MGAT3: variants seen among roughly 807,000 people sequenced by gnomAD.
MGAT3 encodes beta-1,4-mannosyl-glycoprotein 4-beta-N-acetylglucosaminyltransferase, also known as GlcNAc-T III.
Under a neutral mutation model 29.8 loss-of-function variants are expected in MGAT3, and 9 were observed. That is an observed-to-expected ratio of 0.30 (90% CI 0.18 to 0.53). The LOEUF (loss-of-function observed/expected upper bound fraction) is 0.53. MGAT3 is among the 20% of genes least tolerant of loss of function. MGAT3 has a pLI of 0.96. For synonymous variants in MGAT3, 397 were observed against 348.9 expected (o/e 1.14, Z -1.54); for missense variants, 557 against 769.5 (o/e 0.72, Z 3.27).
rs757790343 is a variant in MGAT3, at chr22:39,487,395, C to T, written c.48C>T (p.Gly16=). Residue 16 remains glycine (G), a synonymous_variant, in exon 2 of 2, where the codon GGC becomes GGT. Transcript: ENST00000341184. The surrounding 1 kb of genome is among the most constrained non-coding windows in gnomAD (Gnocchi z 5.7). ...TCTTTCTCATGTTCTGTATGGCCGGCCTGTGCCTCATCTCCTTCCTGCACT... is the reference window on the plus strand; with the variant it reads ...TCTTTCTCATGTTCTGTATGGCCGGTCTGTGCCTCATCTCCTTCCTGCACT... ...YKLFLMFCMA[G]LCLISFLHFF... The T allele has an allele frequency of 6.2e-7, 1 of 1,613,670 alleles. No homozygotes were observed. Among genetic ancestry groups the T allele is most frequent in the Non-Finnish European group, 8.5e-7 (1 of 1,179,982 alleles).
At chr22:39,472,318 C>T (rs554590802) in intron 1 of MGAT3, among the ~76,000 whole-genome samples, 4 of 152,242 alleles carry the variant, frequency 2.6e-5, no homozygotes, top group East Asian at 1.9e-4. Flanking sequence ...TGTCCCTGCC[C>T]GGTACTTTGT....
rs530965275 is a variant in MGAT3, at chr22:39,489,670, C to G, written c.*721C>G. On this transcript the variant is annotated 3_prime_UTR_variant, in exon 2 of 2. Coordinates refer to ENST00000341184, the MANE Select transcript of MGAT3 (RefSeq NM_002409.5). ...GCCTGGAGAACCCTGAGGAGCTTTC[C>G]TTTTGGTTCTAAACCCGGCGTTGAC... is the stretch of plus-strand genomic sequence containing the variant. The G allele has an allele frequency of 1.2e-5, 2 of 167,612 alleles. No homozygotes were observed. The highest frequency in any genetic ancestry group is 3.8e-4 in the East Asian group (2 of 5,292). 10.4% of individuals were successfully genotyped at this position (167,612 alleles called of 1,614,324 possible).
chr22:39,457,390 G>A lies in MGAT3; in HGVS notation c.-169G>A, dbSNP rs1391632019. On this transcript the variant is annotated 5_prime_UTR_variant, in exon 1 of 2. Coordinates refer to ENST00000341184, the MANE Select transcript of MGAT3 (RefSeq NM_002409.5). The surrounding 1 kb of genome is among the most constrained non-coding windows in gnomAD (Gnocchi z 6.8). Reference sequence around the variant, plus strand: ...GGGGAGGGGATCGGGGCCGGGCCGGGGCCGCGCTGCCTGCGATGCCGGGCG... The same window carrying A: ...GGGGAGGGGATCGGGGCCGGGCCGGAGCCGCGCTGCCTGCGATGCCGGGCG... The A allele has an allele frequency of 6.8e-5, 10 of 147,042 alleles. No individual in the cohort carries two copies. Among genetic ancestry groups the A allele is most frequent in the Non-Finnish European group, 1.4e-4 (9 of 65,732 alleles). The allele number at this position is 147,042 out of a possible 1,614,324, so 9.1% of individuals were successfully genotyped here.
chr22:39,460,519 G>A (rs1928468153), intron 1 of MGAT3, among the ~76,000 whole-genome samples: 1 of 152,086 alleles, frequency 6.6e-6, no homozygotes, highest in South Asian at 2.1e-4. Context: ...GCGCTGAGGC[G>A]AGGCGTGGTG....
intron 1 of MGAT3, among the ~76,000 whole-genome samples, chr22:39,467,595 C>T (rs1569000235): frequency 6.6e-6 from 1 of 152,144 alleles, no homozygotes; most frequent in African/African-American, 2.4e-5. Flanking sequence ...CACATGGACA[C>T]GACACGGGAC....
At chr22:39,468,868 C>G (rs1035109339) in intron 1 of MGAT3, among the ~76,000 whole-genome samples, 1 of 151,954 alleles carries the variant, frequency 6.6e-6, no homozygotes, top group Non-Finnish European at 1.5e-5. Flanking sequence ...CCGAATCCTC[C>G]AGGAACAGGC....
Position 39,487,731 on chromosome 22 carries a change from G to A in MGAT3, c.384G>A (p.Pro128=), listed in dbSNP as rs9623008. 4 of 1,552,016 alleles carry A rather than the reference G, an allele frequency of 2.6e-6. No homozygotes were observed. Among genetic ancestry groups the A allele is most frequent in the Admixed American group, 2.1e-5 (1 of 48,312 alleles). Residue 128 remains proline (P), a synonymous_variant, in exon 2 of 2, where the codon CCG becomes CCA. Transcript: ENST00000341184. This position sits in a 1 kb window ranked among gnomAD's most constrained non-coding sequence, Gnocchi z 5.7. The stretch of plus-strand genomic sequence containing the variant: ...CCGGCACCAAGATGCTGGAGAGGCC[G>A]CCCCCGGGACGGCCGGAGGAGAAGC... ...FKPGTKMLER[P]PPGRPEEKPE...
chr22:39,488,806 C>G lies in MGAT3; in HGVS notation c.1459C>G (p.Leu487Val). The change falls in exon 2 of 2, where the codon CTG becomes GTG. Residue 487 changes from leucine (L) to valine (V), a missense_variant. Transcript: ENST00000341184. Reference protein sequence around the residue: ...PSEHMYAPKYLLKNYDRFHYL... With the variant: ...PSEHMYAPKYVLKNYDRFHYL... ...CGAGCACATGTATGCGCCCAAGTAC[C>G]TGCTGAAGAACTACGACCGGTTCCA... 6.2e-7 allele frequency: 1 copy of G among 1,611,246 alleles called. No homozygotes were observed. The highest frequency in any genetic ancestry group is 8.5e-7 in the Non-Finnish European group (1 of 1,178,820).
intron 1 of MGAT3, among the ~76,000 whole-genome samples, chr22:39,477,027 G>A (rs1928985011): frequency 6.6e-6 from 1 of 152,140 alleles, no homozygotes; most frequent in Non-Finnish European, 1.5e-5. Context: ...GAAACCTCAA[G>A]CTGCATTTAG....
chr22:39,488,133 C>T lies in MGAT3; in HGVS notation c.786C>T (p.Phe262=), dbSNP rs1227184673. 6.2e-7 allele frequency: 1 copy of T among 1,613,102 alleles called. No homozygotes were observed. The highest frequency in any genetic ancestry group is 8.5e-7 in the Non-Finnish European group (1 of 1,179,944). The change falls in exon 2 of 2, where the codon TTC becomes TTT. Residue 262 remains phenylalanine (F), a synonymous_variant. Coordinates refer to ENST00000341184, the MANE Select transcript of MGAT3 (RefSeq NM_002409.5). The part of the protein sequence containing the change: ...KFREMLTNGT[F]EYIRHKVLYV... ...GGGAGATGCTGACCAATGGCACCTT[C>T]GAGTACATCCGCCACAAGGTGCTCT...
Position 39,489,204 on chromosome 22 carries a change from G to A in MGAT3, c.*255G>A, listed in dbSNP as rs769266734. 1.7e-6 allele frequency: 1 copy of A among 596,018 alleles called. No individual in the cohort carries two copies. The highest frequency in any genetic ancestry group is 3.0e-6 in the Non-Finnish European group (1 of 331,812). 36.9% of individuals were successfully genotyped at this position (596,018 alleles called of 1,614,324 possible). A position where few individuals can be genotyped will look rare whatever the true frequency, so the allele number is the denominator to read the frequency against. ...GGCCCTTATGACTGCCAAGACTGCT[G>A]TGGCCAGGAGGTGCCACTGGAGTGT... On this transcript the variant is annotated 3_prime_UTR_variant, in exon 2 of 2. Coordinates refer to ENST00000341184, the MANE Select transcript of MGAT3 (RefSeq NM_002409.5).
At position 39,488,049 on chromosome 22, in the gene MGAT3, C is replaced by G. The variant is rs1317829002; in HGVS notation, c.702C>G (p.Ala234=). 6.2e-7 allele frequency: 1 copy of G among 1,613,136 alleles called. No homozygotes were observed. Among genetic ancestry groups the G allele is most frequent in the African/African-American group, 1.3e-5 (1 of 75,046 alleles). Reference sequence around the variant, plus strand: ...ACGAGCTGGGCGACGTGGTGGACGCCTTTGTGGTGTGCGAGTCCAACTTCA... The same window carrying G: ...ACGAGCTGGGCGACGTGGTGGACGCGTTTGTGGTGTGCGAGTCCAACTTCA... ...RFHELGDVVD[A]FVVCESNFTA... is the part of the protein sequence containing the mutation. The change falls in exon 2 of 2, where the codon GCC becomes GCG. Residue 234 remains alanine, a synonymous_variant. Coordinates refer to ENST00000341184, the MANE Select transcript of MGAT3 (RefSeq NM_002409.5).
chr22:39,474,365 G>A (rs1237762295), intron 1 of MGAT3, among the ~76,000 whole-genome samples: 1 of 152,214 alleles, frequency 6.6e-6, no homozygotes, highest in East Asian at 1.9e-4. Flanking sequence ...CCTTGGGCAA[G>A]GCTGAAGGCA....
intron 1 of MGAT3, among the ~76,000 whole-genome samples, chr22:39,460,829 T>C (rs966519466): frequency 5.3e-5 from 8 of 151,664 alleles, no homozygotes; most frequent in African/African-American, 1.9e-4. Context: ...AAAATGGGGG[T>C]GGGGTGCACT....
At position 39,457,895 on chromosome 22, in the gene MGAT3, G is replaced by A. The variant is rs928345136; in HGVS notation, c.-2+338G>A. 1.3e-5 allele frequency among the ~76,000 whole-genome samples: 2 copies of A among 151,540 alleles called. No homozygotes were observed. Among genetic ancestry groups the A allele is most frequent in the African/African-American group, 4.8e-5 (2 of 41,342 alleles). On this transcript the variant is annotated intron_variant, in intron 1 of 1. Coordinates refer to ENST00000341184, the MANE Select transcript of MGAT3 (RefSeq NM_002409.5). This position sits in a 1 kb window ranked among gnomAD's most constrained non-coding sequence, Gnocchi z 6.8. ...GGGCTCGAGCCGTGCTTTGTGCGCGGCACCCCCCAGCCTCCGGCGCGGCTC... is the reference window on the plus strand; with the variant it reads ...GGGCTCGAGCCGTGCTTTGTGCGCGACACCCCCCAGCCTCCGGCGCGGCTC...
chr22:39,479,916 G>A (rs1378935546), intron 1 of MGAT3, among the ~76,000 whole-genome samples: 5 of 152,136 alleles, frequency 3.3e-5, no homozygotes, highest in Middle Eastern at 3.2e-3. Context: ...CAGACATCTA[G>A]GGGAAAATGA....
At chr22:39,475,313 G>T (rs1928926841) in intron 1 of MGAT3, among the ~76,000 whole-genome samples, 1 of 151,944 alleles carries the variant, frequency 6.6e-6, no homozygotes, top group African/African-American at 2.4e-5. Context: ...GGGGCACCTG[G>T]AGGGGAGTTC....
At chr22:39,464,883 T>C (rs948204856) in intron 1 of MGAT3, among the ~76,000 whole-genome samples, 4 of 151,942 alleles carry the variant, frequency 2.6e-5, no homozygotes, top group Non-Finnish European at 1.5e-5. Context: ...CCCAAGTAGC[T>C]GGGACTACAG....
intron 1 of MGAT3, among the ~76,000 whole-genome samples, chr22:39,486,470 G>A (rs1333900878): frequency 1.3e-5 from 2 of 152,102 alleles, no homozygotes; most frequent in South Asian, 2.1e-4. Flanking sequence ...CTGGAGATTA[G>A]TAAAGGGCAT....
Sources: gnomAD v4.1 joint callset for allele counts (sites outside exome capture counted in the v4.1 genomes callset) on GRCh38, gnomAD v4.1.1 for gene constraint, Gnocchi (gnomAD v3.1) non-coding constraint, MANE v1.5 for transcripts, NCBI Gene and HGNC (gene_info 2026-07-23, HGNC 2026-07-21) for gene names.